Variants in LTBP1 observed in about 807,000 individuals in gnomAD.
The protein encoded by LTBP1 is latent transforming growth factor beta binding protein 1.
Under a neutral mutation model 207.6 loss-of-function variants are expected in LTBP1, and 129 were observed. That is an observed-to-expected ratio of 0.62 (90% CI 0.54 to 0.72). The LOEUF (loss-of-function observed/expected upper bound fraction) is 0.72, where lower values mean the gene tolerates loss of function less well. Among genes scored for constraint, LTBP1 ranks in the 30% least tolerant of loss-of-function variants. The pLI is 0.00. For missense variants in LTBP1, 2,281 were observed against 2,217.2 expected (o/e 1.03, Z -0.58); for synonymous variants, 963 against 833.7 (o/e 1.16, Z -2.67).
intron 3 of LTBP1, among the ~76,000 whole-genome samples, chr2:33,092,164 C>T (rs1471903714): frequency 1.3e-5 from 2 of 151,934 alleles, no homozygotes; most frequent in African/African-American, 2.4e-5. Context: ...TTGTGCTGTG[C>T]GTGCACGTGC....
intron 7 of LTBP1, among the ~76,000 whole-genome samples, chr2:33,206,067 T>C (rs2089846154): frequency 6.6e-6 from 1 of 152,204 alleles, no homozygotes; most frequent in Non-Finnish European, 1.5e-5. Context: ...GTTATGGCAA[T>C]CTAACACATA....
In LTBP1 at chr2:33,179,874, T is replaced by C. The variant is rs1260797360; in HGVS notation, c.1202-6982T>C. 2.0e-5 allele frequency among the ~76,000 whole-genome samples: 3 copies of C among 152,192 alleles called. No homozygotes were observed. In the South Asian group the frequency reaches 6.2e-4, roughly 31 times the overall value. On this transcript the variant is annotated intron_variant, in intron 5 of 33. Coordinates refer to ENST00000404816, the MANE Select transcript of LTBP1 (RefSeq NM_206943.4). Reference sequence around the variant, plus strand: ...TTCTTTGTGTTTAACTCTGTCTACTTTTACAGACTGCCTTATATCCTTATG... The same window carrying C: ...TTCTTTGTGTTTAACTCTGTCTACTCTTACAGACTGCCTTATATCCTTATG...
chr2:33,102,922 A>G (rs2079822353), intron 3 of LTBP1, among the ~76,000 whole-genome samples: 1 of 150,976 alleles, frequency 6.6e-6, no homozygotes, highest in Non-Finnish European at 1.5e-5. Flanking sequence ...CTGTGTATGC[A>G]CAGTCTGTAT....
At chr2:33,080,450 T>C (rs762888117) in intron 3 of LTBP1, among the ~76,000 whole-genome samples, 1 of 152,210 alleles carries the variant, frequency 6.6e-6, no homozygotes, top group Non-Finnish European at 1.5e-5. Context: ...TTAAGTCTAA[T>C]GTTCTTCTTT....
chr2:32,962,042 T>C (rs971622902), intron 2 of LTBP1, among the ~76,000 whole-genome samples: 5 of 152,134 alleles, frequency 3.3e-5, no homozygotes, highest in Non-Finnish European at 7.4e-5. Flanking sequence ...TTTGTACACT[T>C]TTTTTAATAA....
In LTBP1 at chr2:33,188,991, T is replaced by C. The variant is rs537493334; in HGVS notation, c.1701+140T>C. On this transcript the variant is annotated intron_variant, in intron 7 of 33. Coordinates refer to ENST00000404816, the MANE Select transcript of LTBP1 (RefSeq NM_206943.4). ...TGACTTGTGGCCATATTTTTGTAAA[T>C]AAAGTTTTATTGCCACACTCATAGC... 5 of 975,110 alleles carry C rather than the reference T, an allele frequency of 5.1e-6. No individual in the cohort carries two copies. In the South Asian group the frequency reaches 7.0e-5, roughly 14 times the overall value. 60.4% of individuals were successfully genotyped at this position (975,110 alleles called of 1,614,324 possible). A position where few individuals can be genotyped will look rare whatever the true frequency, so the allele number is the denominator to read the frequency against.
chr2:33,148,207 C>T (rs941657819), intron 5 of LTBP1, among the ~76,000 whole-genome samples: 2 of 152,152 alleles, frequency 1.3e-5, no homozygotes, highest in Non-Finnish European at 2.9e-5. Context: ...TCTTGTTAAG[C>T]CCTACTTGGG....
intron 3 of LTBP1, among the ~76,000 whole-genome samples, chr2:33,071,363 A>C (rs1200435307): frequency 2.0e-5 from 3 of 152,256 alleles, no homozygotes; most frequent in Non-Finnish European, 4.4e-5. Context: ...CAATCTCAGA[A>C]GTGATGTCCC....
At chr2:33,397,674 ATTTTTT>A (rs71409616) in intron 33 of LTBP1, among the ~76,000 whole-genome samples, 1 of 117,498 alleles carries the variant, frequency 8.5e-6, no homozygotes, top group Non-Finnish European at 1.7e-5. Flanking sequence ...CACCCGGCTA[ATTTTTT>A]TTTTTTTTTT....
At chr2:33,278,637 T>C (rs1278670291) in intron 18 of LTBP1, among the ~76,000 whole-genome samples, 1 of 152,196 alleles carries the variant, frequency 6.6e-6, no homozygotes, top group African/African-American at 2.4e-5. Flanking sequence ...GGACATTATC[T>C]TGTATTGCTC....
intron 24 of LTBP1, among the ~76,000 whole-genome samples, chr2:33,322,258 G>A (rs539446527): frequency 1.9e-4 from 29 of 152,196 alleles, no homozygotes; most frequent in Non-Finnish European, 3.1e-4. Flanking sequence ...GCCAGAAAGT[G>A]AAGTCTGTGA....
intron 11 of LTBP1, among the ~76,000 whole-genome samples, chr2:33,255,167 A>T (rs2092815372): frequency 7.3e-6 from 1 of 136,940 alleles, no homozygotes; most frequent in Admixed American, 8.2e-5. Flanking sequence ...TATGAGTGAG[A>T]ATATGTGGTG....
At chr2:33,231,786 T>A (rs184294791) in intron 9 of LTBP1, among the ~76,000 whole-genome samples, 4 of 152,346 alleles carry the variant, frequency 2.6e-5, no homozygotes, top group African/African-American at 9.6e-5. Flanking sequence ...AAAGCTCTTA[T>A]AATTAATCGA....
intron 5 of LTBP1, among the ~76,000 whole-genome samples, chr2:33,185,794 A>G (rs761027441): frequency 4.6e-5 from 7 of 151,876 alleles, no homozygotes; most frequent in Non-Finnish European, 7.4e-5. Context: ...CCCAAGATAG[A>G]TTGTAGCGCA....
intron 24 of LTBP1, among the ~76,000 whole-genome samples, chr2:33,331,244 C>A (rs2094490893): frequency 6.6e-6 from 1 of 150,904 alleles, no homozygotes; most frequent in South Asian, 2.1e-4. Context: ...ATTATTTTTT[C>A]TATATTTTTT....
At chr2:32,952,272 G>A (rs746078301) in intron 2 of LTBP1, among the ~76,000 whole-genome samples, 18 of 152,188 alleles carry the variant, frequency 1.2e-4, no homozygotes, top group South Asian at 2.1e-4. Context: ...ATGTGAACAA[G>A]CAAGCGGCAG....
Position 33,245,390 on chromosome 2 carries a change from T to A in LTBP1, c.1999+1606T>A, listed in dbSNP as rs1049768542. ...ATGTAGTAAAATAAAAATGACAGTC[T>A]CATTTATTACTTTTAGGTGAGTTTG... On this transcript the variant is annotated intron_variant, in intron 10 of 33. Coordinates refer to ENST00000404816, the MANE Select transcript of LTBP1 (RefSeq NM_206943.4). 3.3e-5 allele frequency among the ~76,000 whole-genome samples: 5 copies of A among 152,254 alleles called. 1 individual carries two copies. Among genetic ancestry groups the A allele is most frequent in the African/African-American group, 1.2e-4 (5 of 41,460 alleles).
At chr2:33,357,907 A>T (rs990527749) in intron 26 of LTBP1, among the ~76,000 whole-genome samples, 1 of 152,164 alleles carries the variant, frequency 6.6e-6, no homozygotes, top group Non-Finnish European at 1.5e-5. Flanking sequence ...TTAGTTTCCA[A>T]TATAGAAACC....
At chr2:33,081,247 G>T (rs1046246145) in intron 3 of LTBP1, among the ~76,000 whole-genome samples, 1 of 152,066 alleles carries the variant, frequency 6.6e-6, no homozygotes, top group African/African-American at 2.4e-5. Context: ...CGGCTTCAGG[G>T]GAGAAGGGCC....
Sources: allele counts gnomAD v4.1 joint callset (sites outside exome capture counted in the v4.1 genomes callset), GRCh38; gene constraint gnomAD v4.1.1; transcripts MANE v1.5; gene names NCBI Gene and HGNC (gene_info 2026-07-23, HGNC 2026-07-21).